SYT1: variants seen among roughly 807,000 people sequenced by gnomAD.
SYT1 encodes synaptotagmin 1.
SYT1 carries 8 observed loss-of-function variants against 44.8 expected under a neutral mutation model. The observed-to-expected ratio is 0.18, with a 90% CI of 0.10 to 0.32. The LOEUF (loss-of-function observed/expected upper bound fraction) is 0.32. SYT1 is among the 10% of genes least tolerant of loss of function. The pLI, the probability that SYT1 is intolerant of heterozygous loss-of-function variation, is 1.00. For synonymous variants in SYT1, 154 were observed against 188.8 expected (o/e 0.82, Z 1.51); for missense variants, 286 against 509.3 (o/e 0.56, Z 4.22).
At chr12:79,029,902 T>C (rs1200484263) in intron 2 of SYT1, among the ~76,000 whole-genome samples, 1 of 151,072 alleles carries the variant, frequency 6.6e-6, no homozygotes. Flanking sequence ...CTGTGCTTAG[T>C]TTTTATGTCA....
At chr12:78,870,090 T>C (rs1197795992) in intron 1 of SYT1, among the ~76,000 whole-genome samples, 2 of 152,092 alleles carry the variant, frequency 1.3e-5, no homozygotes, top group Non-Finnish European at 2.9e-5. Flanking sequence ...GGGAATGGCC[T>C]ATAAACTAGT....
intron 9 of SYT1, among the ~76,000 whole-genome samples, chr12:79,380,561 A>AT (rs1884175489): frequency 6.6e-6 from 1 of 152,132 alleles, no homozygotes; most frequent in South Asian, 2.1e-4. Flanking sequence ...TGCTCTGCTA[A>AT]TTTTTTTAAT....
At chr12:79,098,683 G>A (rs988572869) in intron 3 of SYT1, among the ~76,000 whole-genome samples, 1 of 152,138 alleles carries the variant, frequency 6.6e-6, no homozygotes, top group Non-Finnish European at 1.5e-5. Context: ...CTTGGCCCCA[G>A]TCCAATCATA....
intron 3 of SYT1, among the ~76,000 whole-genome samples, chr12:79,058,852 C>T (rs547687969): frequency 6.6e-6 from 1 of 152,128 alleles, no homozygotes; most frequent in Non-Finnish European, 1.5e-5. Context: ...TTCTTCAATA[C>T]TATACTTAGG....
chr12:79,309,245 G>A (rs1177001144), intron 8 of SYT1, among the ~76,000 whole-genome samples: 8 of 152,160 alleles, frequency 5.3e-5, no homozygotes. Context: ...TTGGCCAGGC[G>A]CCAAACAGTA....
chr12:78,870,871 A>C (rs954323455), intron 1 of SYT1, among the ~76,000 whole-genome samples: 1 of 152,094 alleles, frequency 6.6e-6, no homozygotes, highest in African/African-American at 2.4e-5. Context: ...ACATGAAGGC[A>C]AAAGGACATG....
At chr12:79,349,338 G>A (rs1012514525) in intron 8 of SYT1, among the ~76,000 whole-genome samples, 1 of 152,128 alleles carries the variant, frequency 6.6e-6, no homozygotes, top group Non-Finnish European at 1.5e-5. Flanking sequence ...ACAGAAAGAT[G>A]TTGGAAAGAA....
chr12:79,120,400 G>A (rs1488092447), intron 3 of SYT1, among the ~76,000 whole-genome samples: 1 of 151,884 alleles, frequency 6.6e-6, no homozygotes, highest in Non-Finnish European at 1.5e-5. Context: ...CGTACCTACT[G>A]TATCTAAAAT....
At chr12:79,141,020 T>A (rs925598914) in intron 3 of SYT1, among the ~76,000 whole-genome samples, 2 of 152,320 alleles carry the variant, frequency 1.3e-5, no homozygotes, top group Non-Finnish European at 2.9e-5. Flanking sequence ...GGAAGCCAGG[T>A]TTTGCCCCTT....
chr12:79,051,938 G>A (rs1434275610), intron 3 of SYT1, among the ~76,000 whole-genome samples: 2 of 152,062 alleles, frequency 1.3e-5, no homozygotes, highest in African/African-American at 4.8e-5. Context: ...TAGCCTTGTA[G>A]TATAGTTTGA....
chr12:79,123,915 C>CA (rs1868328012), intron 3 of SYT1, among the ~76,000 whole-genome samples: 1 of 152,162 alleles, frequency 6.6e-6, no homozygotes, highest in African/African-American at 2.4e-5. Context: ...ATTAAAGACT[C>CA]TTTAATGCCA....
intron 1 of SYT1, among the ~76,000 whole-genome samples, chr12:78,916,186 G>A (rs1344292998): frequency 6.6e-6 from 1 of 152,012 alleles, no homozygotes. Context: ...CTGCCAGACA[G>A]GCATTAACAT....
At chr12:79,177,087 G>A (rs1871931769) in intron 3 of SYT1, among the ~76,000 whole-genome samples, 1 of 125,228 alleles carries the variant, frequency 8.0e-6, no homozygotes, top group African/African-American at 3.1e-5. Flanking sequence ...GGGTACATGT[G>A]CACATTGTGC....
At chr12:78,890,070 A>C (rs1299549567) in intron 1 of SYT1, among the ~76,000 whole-genome samples, 1 of 151,988 alleles carries the variant, frequency 6.6e-6, no homozygotes, top group South Asian at 2.1e-4. Flanking sequence ...GGCTAAAGAG[A>C]GCAGACATAT....
intron 1 of SYT1, among the ~76,000 whole-genome samples, chr12:78,914,370 G>A (rs57154213): frequency 0.027 from 4,146 of 151,896 alleles, 128 homozygotes; most frequent in African/African-American, 0.074. Flanking sequence ...TTCCTGGTTT[G>A]TCCTGGAATC....
intron 9 of SYT1, among the ~76,000 whole-genome samples, chr12:79,429,569 C>T (rs956230887): frequency 6.6e-6 from 1 of 151,906 alleles, no homozygotes; most frequent in Admixed American, 6.6e-5. Flanking sequence ...CACTCTGTCA[C>T]CCAGGATGGA....
At chr12:79,308,334 G>A (rs1433330380) in intron 8 of SYT1, among the ~76,000 whole-genome samples, 1 of 152,000 alleles carries the variant, frequency 6.6e-6, no homozygotes, top group East Asian at 1.9e-4. Context: ...AGACCAGCCT[G>A]ACCAACATGG....
intron 2 of SYT1, among the ~76,000 whole-genome samples, chr12:79,031,820 T>C (rs1872847427): frequency 6.6e-6 from 1 of 151,118 alleles, no homozygotes; most frequent in Non-Finnish European, 1.5e-5. Context: ...GTCTAGAATA[T>C]ATGCCCACAT....
At chr12:79,355,632 T>C (rs1235213929) in intron 9 of SYT1, among the ~76,000 whole-genome samples, 1 of 152,132 alleles carries the variant, frequency 6.6e-6, no homozygotes, top group African/African-American at 2.4e-5. Context: ...CATATCTCAT[T>C]TTCACCAAAT....
Sources: gnomAD v4.1 joint callset for allele counts (sites outside exome capture counted in the v4.1 genomes callset) on GRCh38, gnomAD v4.1.1 for gene constraint, MANE v1.5 for transcripts, NCBI Gene and HGNC (gene_info 2026-07-23, HGNC 2026-07-21) for gene names.